WWOX: variants seen among roughly 807,000 people sequenced by gnomAD.
WWOX encodes the protein WW domain-containing oxidoreductase.
A neutral mutation model predicts 46.2 loss-of-function variants in WWOX; 69 were observed. The observed-to-expected ratio is 1.49, with a 90% CI of 1.23 to 1.82. The LOEUF (loss-of-function observed/expected upper bound fraction) is 1.82. Among genes scored for constraint, WWOX ranks in the 40% most tolerant of loss-of-function variants. The probability of loss-of-function intolerance (pLI) is 0.00; values close to 1 mark genes in which losing one functional copy is unlikely to be tolerated. For synonymous variants in WWOX, 359 were observed against 202.6 expected (o/e 1.77, Z -6.56); for missense variants, 919 against 542.6 (o/e 1.69, Z -6.89).
chr16:78,737,502 G>C (rs1029846112), intron 8 of WWOX, among the ~76,000 whole-genome samples: 2 of 151,984 alleles, frequency 1.3e-5, no homozygotes, highest in African/African-American at 4.8e-5. Flanking sequence ...AAGTTCTTTA[G>C]TGATGATTTC....
intron 5 of WWOX, among the ~76,000 whole-genome samples, chr16:78,314,558 C>T (rs1315207746): frequency 2.2e-5 from 3 of 139,100 alleles, no homozygotes; most frequent in East Asian, 2.2e-4. Context: ...GAGTTTTGCT[C>T]TTGTCGCCCA....
intron 8 of WWOX, among the ~76,000 whole-genome samples, chr16:78,528,497 A>T (rs1460813345): frequency 6.6e-6 from 1 of 152,176 alleles, no homozygotes; most frequent in Non-Finnish European, 1.5e-5. Flanking sequence ...TGATTGATTC[A>T]TGATGACTTT....
chr16:78,173,730 TATACTC>T (rs1212536828), intron 5 of WWOX, among the ~76,000 whole-genome samples: 3 of 152,162 alleles, frequency 2.0e-5, no homozygotes, highest in Non-Finnish European at 4.4e-5. Context: ...ATCTGTAAAA[TATACTC>T]ATAAATCTTG....
At chr16:78,532,509 C>A (rs1056410003) in intron 8 of WWOX, among the ~76,000 whole-genome samples, 1 of 152,128 alleles carries the variant, frequency 6.6e-6, no homozygotes, top group Non-Finnish European at 1.5e-5. Flanking sequence ...TAAGAAACAG[C>A]AGGCATAGTT....
chr16:78,109,521 G>A (rs961930799), intron 2 of WWOX, among the ~76,000 whole-genome samples: 2 of 152,218 alleles, frequency 1.3e-5, no homozygotes, highest in African/African-American at 4.8e-5. Flanking sequence ...GGCACAACCA[G>A]TATGGTTTAT....
At chr16:78,757,047 A>G in intron 8 of WWOX, 1 of 702,830 alleles carries the variant, frequency 1.4e-6, no homozygotes, top group South Asian at 1.5e-5. Flanking sequence ...TTGATTCTGC[A>G]GCCCTAGTTA....
chr16:78,438,793 AACGGATGTGCAGCT>A (rs2083385753), intron 8 of WWOX, among the ~76,000 whole-genome samples: 1 of 152,154 alleles, frequency 6.6e-6, no homozygotes, highest in African/African-American at 2.4e-5. Context: ...GCTGAGTTTT[AACGGATGTGCAGCT>A]ACCCTGCTAA....
At chr16:78,677,077 T>C (rs556395328) in intron 8 of WWOX, among the ~76,000 whole-genome samples, 1 of 151,880 alleles carries the variant, frequency 6.6e-6, no homozygotes, top group African/African-American at 2.4e-5. Context: ...TAATGAACCA[T>C]GAGCTGTTTT....
chr16:78,815,359 T>G (rs113923378), intron 8 of WWOX, among the ~76,000 whole-genome samples: 29 of 152,278 alleles, frequency 1.9e-4, no homozygotes, highest in African/African-American at 6.7e-4. Flanking sequence ...TTCATACATT[T>G]TAGCTGACAA....
chr16:78,658,488 C>T (rs2047131962), intron 8 of WWOX, among the ~76,000 whole-genome samples: 2 of 152,130 alleles, frequency 1.3e-5, no homozygotes, highest in Non-Finnish European at 2.9e-5. Context: ...TATTCTCTCA[C>T]AGTTTTGGAG....
intron 8 of WWOX, among the ~76,000 whole-genome samples, chr16:78,877,893 A>C (rs1024612809): frequency 6.6e-6 from 1 of 152,204 alleles, no homozygotes; most frequent in Non-Finnish European, 1.5e-5. Context: ...AAGCTAAATG[A>C]CTTCAGCGCC....
At chr16:78,651,306 C>T (rs953330370) in intron 8 of WWOX, among the ~76,000 whole-genome samples, 2 of 152,218 alleles carry the variant, frequency 1.3e-5, no homozygotes, top group Non-Finnish European at 2.9e-5. Context: ...CCTGAGGTGC[C>T]AGAAGGCTGT....
At chr16:78,609,931 G>C (rs1294990869) in intron 8 of WWOX, among the ~76,000 whole-genome samples, 1 of 152,090 alleles carries the variant, frequency 6.6e-6, no homozygotes, top group African/African-American at 2.4e-5. Context: ...CGTGTGTAGG[G>C]GGTAGCATAG....
chr16:79,175,168 G>A (rs959430756), intron 8 of WWOX, among the ~76,000 whole-genome samples: 2 of 152,286 alleles, frequency 1.3e-5, no homozygotes, highest in East Asian at 3.9e-4. Flanking sequence ...CTGCCTTAAT[G>A]GCGCTAATTT....
Position 79,211,139 on chromosome 16 carries a change from G to A in WWOX, c.1057-469G>A, listed in dbSNP as rs1443467800. ...AGCATAAAGGGATGATCTGGCAGCA[G>A]CCCCACTTGGGTTTTCTACCTGATG... On this transcript the variant is annotated intron_variant, in intron 8 of 8. Transcript: ENST00000566780. Among the ~76,000 whole-genome samples, 3 of 151,978 alleles carry A rather than the reference G, an allele frequency of 2.0e-5. No homozygotes were observed. In the East Asian group the frequency reaches 5.8e-4, roughly 29 times the overall value.
chr16:79,189,574 T>C (rs2051090410), intron 8 of WWOX, among the ~76,000 whole-genome samples: 2 of 152,100 alleles, frequency 1.3e-5, no homozygotes, highest in South Asian at 4.2e-4. Context: ...GTGCTAGGAT[T>C]ACCTGCATGA....
chr16:78,543,308 T>C (rs2043943906), intron 8 of WWOX, among the ~76,000 whole-genome samples: 1 of 126,260 alleles, frequency 7.9e-6, no homozygotes, highest in Non-Finnish European at 1.8e-5. Flanking sequence ...CACGTGGCCC[T>C]GAAGAGGGTG....
chr16:78,771,289 C>A (rs372031020), intron 8 of WWOX, among the ~76,000 whole-genome samples: 1 of 152,218 alleles, frequency 6.6e-6, no homozygotes, highest in Non-Finnish European at 1.5e-5. Context: ...ACAGGGTATC[C>A]AGTTAGGAAG....
At chr16:78,184,632 A>G (rs1053245785) in intron 5 of WWOX, among the ~76,000 whole-genome samples, 2 of 152,174 alleles carry the variant, frequency 1.3e-5, no homozygotes, top group Admixed American at 1.3e-4. Context: ...GAAGGCAAAG[A>G]CAAATATTTA....
Sources: allele counts gnomAD v4.1 joint callset (sites outside exome capture counted in the v4.1 genomes callset), GRCh38; gene constraint gnomAD v4.1.1; transcripts MANE v1.5; gene names NCBI Gene and HGNC (gene_info 2026-07-23, HGNC 2026-07-21).